The following KIF13B variants were observed in gnomAD, a reference collection of about 807,000 sequenced individuals.
KIF13B encodes the protein kinesin-like protein KIF13B.
A neutral mutation model predicts 222.0 loss-of-function variants in KIF13B; 127 were observed. The ratio of observed to expected loss-of-function variants is 0.57; its 90% CI spans 0.50 to 0.66. The LOEUF is 0.66. Ranked by LOEUF, KIF13B falls within the 30% of genes least tolerant of loss-of-function variation. The pLI is 0.00. For synonymous variants in KIF13B, 976 were observed against 919.0 expected, an observed-to-expected ratio of 1.06 and a Z score of -1.12; for missense variants, 2,173 against 2,379.0, an observed-to-expected ratio of 0.91 and a Z score of 1.80.
At chr8:29,086,991 TC>T (rs1327867796) in intron 37 of KIF13B, among the ~76,000 whole-genome samples, 2 of 152,350 alleles carry the variant, frequency 1.3e-5, no homozygotes, top group Admixed American at 1.3e-4. Context: ...TGCTGCTAAG[TC>T]CAGCACTGGA....
Position 29,121,798 on chromosome 8 carries a change from GT to G in KIF13B, c.3535+792del, listed in dbSNP as rs879753594. On this transcript the variant is annotated intron_variant, in intron 29 of 39. Coordinates refer to ENST00000524189, the MANE Select transcript of KIF13B (RefSeq NM_015254.4). ...TACAACATGGGAGAAAATTTTCGCA[GT>G]TTTTTTTTTTTAAACAGGTAATACA... Among the ~76,000 whole-genome samples, 846 of 145,402 alleles carry G rather than the reference GT, an allele frequency of 5.8e-3. 5 individuals carry two copies. Among genetic ancestry groups the G allele is most frequent in the African/African-American group, 0.019 (754 of 39,928 alleles).
Position 29,134,176 on chromosome 8 carries a change from T to C in KIF13B, c.2648A>G (p.His883Arg). 6.2e-7 allele frequency: 1 copy of C among 1,614,004 alleles called. No individual in the cohort carries two copies. The highest frequency in any genetic ancestry group is 1.7e-5 in the Admixed American group (1 of 60,020). ...TTTGCAGAACACAAAGTGGGACAGA[T>C]GCTGTGGCAACCCAGTAGCTTGCAG... ...KILQATGLPQ[H>R]LSHFVFCKYS... is the part of the protein sequence containing the mutation. The change falls in exon 22 of 40, where the codon CAT (histidine) becomes CGT (arginine). Residue 883 changes from histidine (H) to arginine (R), a missense_variant. By Grantham distance (29) the His-to-Arg change is conservative. Around this residue, in one of 2 missense-constraint regions of KIF13B, gnomAD observed 1,480 missense variants for 1,722.8 expected, o/e 0.86. Transcript: ENST00000524189.
intron 21 of KIF13B, among the ~76,000 whole-genome samples, chr8:29,137,316 G>T (rs555495811): frequency 1.3e-5 from 2 of 152,182 alleles, no homozygotes; most frequent in Non-Finnish European, 2.9e-5. Context: ...ATGAACACAG[G>T]CTGTTTGGGT....
At chr8:29,099,022 G>A (rs1462295938) in intron 36 of KIF13B, 111 bp downstream of exon 36, 40 of 854,306 alleles carry the variant, frequency 4.7e-5, no homozygotes, top group Non-Finnish European at 7.2e-5. Flanking sequence ...GAAACAACTC[G>A]ATGGACATTA....
At chr8:29,225,084 A>C (rs73224683) in intron 2 of KIF13B, among the ~76,000 whole-genome samples, 106 of 152,352 alleles carry the variant, frequency 7.0e-4, no homozygotes, top group Admixed American at 2.6e-3. Context: ...TTTAAGGTTG[A>C]AAAAGACATC....
intron 2 of KIF13B, among the ~76,000 whole-genome samples, chr8:29,238,087 G>A (rs1289745019): frequency 6.6e-6 from 1 of 152,180 alleles, no homozygotes; most frequent in African/African-American, 2.4e-5. Flanking sequence ...ACAGCAGAGA[G>A]AACAAACAGG....
chr8:29,245,724 C>T (rs998336521), intron 1 of KIF13B, among the ~76,000 whole-genome samples: 1 of 152,042 alleles, frequency 6.6e-6, no homozygotes, highest in African/African-American at 2.4e-5. Flanking sequence ...GAATTCTAGT[C>T]AGGGCAGTTA....
intron 37 of KIF13B, among the ~76,000 whole-genome samples, chr8:29,081,350 T>C (rs1807802437): frequency 6.6e-6 from 1 of 152,220 alleles, no homozygotes; most frequent in Non-Finnish European, 1.5e-5. Flanking sequence ...GCACTGAGAA[T>C]GAGGCTAATG....
intron 36 of KIF13B, among the ~76,000 whole-genome samples, chr8:29,095,677 G>A (rs1416371025): frequency 6.6e-6 from 1 of 152,114 alleles, no homozygotes; most frequent in African/African-American, 2.4e-5. Flanking sequence ...TGAGGCAGGA[G>A]AATCACTTAA....
At position 29,140,500 on chromosome 8, in the gene KIF13B, A is replaced by G. The variant is rs1397404726; in HGVS notation, c.2452T>C (p.Tyr818His). 1 of 1,613,872 alleles carries G rather than the reference A, an allele frequency of 6.2e-7. No individual in the cohort carries two copies. The highest frequency in any genetic ancestry group is 8.5e-7 in the Non-Finnish European group (1 of 1,179,860). ...ESLFYDVKLQ[Y>H]AVPIINQKGE... ...TTCTGGTTGATGATGGGAACAGCGT[A>G]TTGTAACTTCACATCATAGAAAAGT... Residue 818 changes from tyrosine to histidine, a missense_variant, in exon 20 of 40, where the codon TAC becomes CAC. Around this residue, in one of 2 missense-constraint regions of KIF13B, gnomAD observed 1,480 missense variants for 1,722.8 expected, o/e 0.86. Coordinates refer to ENST00000524189, the MANE Select transcript of KIF13B (RefSeq NM_015254.4).
chr8:29,172,818 G>A (rs1194458931), intron 10 of KIF13B, among the ~76,000 whole-genome samples: 1 of 152,078 alleles, frequency 6.6e-6, no homozygotes, highest in African/African-American at 2.4e-5. Flanking sequence ...CCTGCAACAG[G>A]TGCTCCTGGC....
chr8:29,111,978 T>C (rs185353272), intron 32 of KIF13B, among the ~76,000 whole-genome samples: 54 of 152,352 alleles, frequency 3.5e-4, no homozygotes, highest in Non-Finnish European at 6.0e-4. Flanking sequence ...AATTTTTAAA[T>C]GTTCTGCAAA....
rs184140482 is a variant in KIF13B, at chr8:29,224,159, T to C, written c.149+21187A>G. On this transcript the variant is annotated intron_variant, in intron 2 of 39. Transcript: ENST00000524189. Reference sequence around the variant, plus strand: ...GGCACCCGCCACCACGCCCGGCTAATTTTTGTGTGTGTGTGTATTTTTTTT... The same window carrying C: ...GGCACCCGCCACCACGCCCGGCTAACTTTTGTGTGTGTGTGTATTTTTTTT... Among the ~76,000 whole-genome samples, 607 of 99,068 alleles carry C rather than the reference T, an allele frequency of 6.1e-3. 4 individuals carry two copies. The highest frequency in any genetic ancestry group is 0.018 in the African/African-American group (558 of 30,766). 65.0% of individuals were successfully genotyped at this position (99,068 alleles called of 152,430 possible). A position where few individuals can be genotyped will look rare whatever the true frequency, so the allele number is the denominator to read the frequency against.
At chr8:29,222,515 CTTTTTTTTTTTTTTTTTTTTTTTTTTT>C (rs58488862) in intron 2 of KIF13B, among the ~76,000 whole-genome samples, 6 of 60,568 alleles carry the variant, frequency 9.9e-5, no homozygotes, top group African/African-American at 2.3e-4. Flanking sequence ...CCACACCTGA[CTTTTTTTTTTTTTTTTTTTTTTTTTTT>C]TTTTTTTTTT....
At position 29,117,296 on chromosome 8, in the gene KIF13B, C is replaced by T. The variant is rs77352303; in HGVS notation, c.3661-289G>A. The stretch of plus-strand genomic sequence containing the variant: ...AAAAATTCAGTCGAGTGATTTGTAC[C>T]CCTTTCATCCCGACGCACCAACTGC... On this transcript the variant is annotated intron_variant, in intron 30 of 39. Transcript: ENST00000524189. Among the ~76,000 whole-genome samples the T allele has an allele frequency of 1.1e-3, 172 of 152,198 alleles. 1 individual carries two copies. The East Asian group carries it at 0.027, about 24-fold the overall frequency.
intron 2 of KIF13B, among the ~76,000 whole-genome samples, chr8:29,203,634 T>C (rs932718291): frequency 1.3e-5 from 2 of 152,194 alleles, no homozygotes; most frequent in African/African-American, 4.8e-5. Context: ...GGCTCACGCC[T>C]GTAATCCCAG....
At chr8:29,208,619 G>T (rs1003921920) in intron 2 of KIF13B, among the ~76,000 whole-genome samples, 3 of 152,216 alleles carry the variant, frequency 2.0e-5, no homozygotes, top group Non-Finnish European at 2.9e-5. Flanking sequence ...GTCAGCGTTG[G>T]CTTGGGAGAG....
chr8:29,110,146 CACACAGAA>C (rs751263989), intron 32 of KIF13B, 76 bp from the exon 33 acceptor site: 12 of 1,227,070 alleles, frequency 9.8e-6, no homozygotes, highest in Non-Finnish European at 1.4e-5. Context: ...CACACACAGA[CACACAGAA>C]CGTATTCCAA....
intron 2 of KIF13B, among the ~76,000 whole-genome samples, chr8:29,206,301 G>A (rs1813936192): frequency 6.6e-6 from 1 of 152,162 alleles, no homozygotes; most frequent in African/African-American, 2.4e-5. Context: ...TACTTGAAGT[G>A]CATGGCACAC....
Sources: gnomAD v4.1 joint callset for allele counts (sites outside exome capture counted in the v4.1 genomes callset) on GRCh38, gnomAD v4.1.1 for gene constraint, gnomAD v4.1.1 regional missense constraint, MANE v1.5 for transcripts, NCBI Gene and HGNC (gene_info 2026-07-23, HGNC 2026-07-21) for gene names.